Variants in ARPC3 observed in about 807,000 individuals in gnomAD.
ARPC3 encodes actin-related protein 2/3 complex subunit 3.
In ARPC3, 12 loss-of-function variants were observed where a neutral mutation model predicts 27.6. That is an observed-to-expected ratio of 0.43 (90% CI 0.28 to 0.70). The LOEUF (loss-of-function observed/expected upper bound fraction) is 0.70, where lower values mean the gene tolerates loss of function less well. Among genes scored for constraint, ARPC3 ranks in the 30% least tolerant of loss-of-function variants. The probability of loss-of-function intolerance (pLI) is 0.17; values close to 1 mark genes in which losing one functional copy is unlikely to be tolerated. For missense variants in ARPC3, 153 were observed against 207.7 expected (o/e 0.74, Z 1.62); for synonymous variants, 53 against 67.2 (o/e 0.79, Z 1.03).
intron 2 of ARPC3, chr12:110,440,611 A>G (rs892491263): frequency 7.0e-6 from 3 of 431,336 alleles, no homozygotes; most frequent in African/African-American, 6.1e-5. Context: ...CAGTGGCGTG[A>G]TCTTGGCTCA....
chr12:110,443,795 A>G (rs1187954599), intron 2 of ARPC3, among the ~76,000 whole-genome samples: 1 of 152,130 alleles, frequency 6.6e-6, no homozygotes, highest in Non-Finnish European at 1.5e-5. Context: ...GTTTCCAAAA[A>G]CCAGCTAGTT....
At chr12:110,447,803 C>CA (rs780681742) in intron 1 of ARPC3, among the ~76,000 whole-genome samples, 4 of 150,522 alleles carry the variant, frequency 2.7e-5, no homozygotes, top group Admixed American at 6.6e-5. Context: ...CCCCTCCCCC[C>CA]AAAAAAACAA....
chr12:110,436,709 T>TACACACACAC lies in ARPC3; in HGVS notation c.253-27_253-26insGTGTGTGTGT, dbSNP rs777146647. 1.1e-4 allele frequency: 59 copies of TACACACACAC among 546,280 alleles called. No homozygotes were observed. The African/African-American group carries it at 1.4e-3, about 13-fold the overall frequency. The allele number at this position is 546,280 out of a possible 1,614,324, so 33.8% of individuals were successfully genotyped here. On this transcript the variant is annotated intron_variant, in intron 4 of 6. Coordinates refer to ENST00000228825, the MANE Select transcript of ARPC3 (RefSeq NM_001278556.2). ...CTGGAAAAAAAAATATATATATATA[T>TACACACACAC]ATACACACACACACACACACACACA... is the stretch of plus-strand genomic sequence containing the variant.
Position 110,436,568 on chromosome 12 carries a change from T to C in ARPC3, c.368A>G (p.Lys123Arg). 1 of 1,613,974 alleles carries C rather than the reference T, an allele frequency of 6.2e-7. No individual in the cohort carries two copies. The highest frequency in any genetic ancestry group is 8.5e-7 in the Non-Finnish European group (1 of 1,179,972). ...LNAIYAKPANKQEDEVMRAYL... is the reference protein window; with the variant it reads ...LNAIYAKPANRQEDEVMRAYL... The stretch of plus-strand genomic sequence containing the variant: ...AGACCTGTTCTTACCATCTTCCTGT[T>C]TGTTTGCAGGTTTGGCATAAATTGC... The change falls in exon 5 of 7, where the codon AAA becomes AGA. Residue 123 changes from lysine to arginine, a missense_variant. Coordinates refer to ENST00000228825, the MANE Select transcript of ARPC3 (RefSeq NM_001278556.2).
chr12:110,438,909 C>T (rs975772319), intron 3 of ARPC3, among the ~76,000 whole-genome samples: 2 of 151,544 alleles, frequency 1.3e-5, no homozygotes, highest in East Asian at 2.0e-4. Flanking sequence ...TCCCAAATTA[C>T]GGGCAGAGGC....
intron 4 of ARPC3, 112 bp from the exon 5 acceptor site, chr12:110,436,795 G>C: frequency 1.1e-6 from 1 of 928,200 alleles, no homozygotes; most frequent in Non-Finnish European, 1.6e-6. Flanking sequence ...TTGGACCCCA[G>C]GTTAAGAACC....
rs768969588 is a variant in ARPC3 at position 110,445,496 on chromosome 12, A to T, written c.62T>A (p.Leu21Gln). ...PDTKLIGNMA[L>Q]LPIRSQFKGP... ...TTTGAATTGACTTCTGATAGGCAACAGTGCCATGTTTCCGATGAGTTTGGT... is the reference window on the plus strand; with the variant it reads ...TTTGAATTGACTTCTGATAGGCAACTGTGCCATGTTTCCGATGAGTTTGGT... The change falls in exon 2 of 7, where the codon CTG (leucine) becomes CAG (glutamine). Residue 21 changes from leucine to glutamine, a missense_variant. Transcript: ENST00000228825. The T allele has an allele frequency of 1.9e-5, 31 of 1,613,864 alleles. 1 individual carries two copies. In the South Asian group the frequency reaches 3.4e-4, roughly 18 times the overall value.
In ARPC3 at chr12:110,450,314, C is replaced by T. The variant is rs2062495477; in HGVS notation, c.-54G>A. The T allele has an allele frequency of 2.5e-6, 4 of 1,613,004 alleles. No homozygotes were observed. The Admixed American group carries it at 6.7e-5, about 27-fold the overall frequency. ...GGAGCAGGATCCAGGTACAGCGGAG[C>T]GCTTCCGGTCTGGCAGCCTGGGCGA... On this transcript the variant is annotated 5_prime_UTR_variant, in exon 1 of 7. Transcript: ENST00000228825.
chr12:110,436,270 C>T, intron 5 of ARPC3, 66 bp from the exon 6 acceptor site: 1 of 1,303,270 alleles, frequency 7.7e-7, no homozygotes, highest in Admixed American at 1.7e-5. Flanking sequence ...GGTTGCAGCT[C>T]TGGATGCTCA....
At chr12:110,437,182 A>G (rs1267828435) in intron 3 of ARPC3, 30 bp from the exon 4 acceptor site, 1 of 1,412,122 alleles carries the variant, frequency 7.1e-7, no homozygotes, top group Non-Finnish European at 1.0e-6. Context: ...ACTTAAAAAC[A>G]GTTATCAAAA....
chr12:110,435,391 G>A (rs1032464243), intron 6 of ARPC3, among the ~76,000 whole-genome samples, 174 bp from the exon 7 acceptor site: 1 of 150,726 alleles, frequency 6.6e-6, no homozygotes, highest in Non-Finnish European at 1.5e-5. Context: ...GTGCAGTGGT[G>A]TGATCTTGGC....
chr12:110,436,711 T>TACACACACACACAC lies in ARPC3; in HGVS notation c.253-42_253-29dup, dbSNP rs375877607. ...GGAAAAAAAAATATATATATATATA[T>TACACACACACACAC]ACACACACACACACACACACACACA... On this transcript the variant is annotated intron_variant, in intron 4 of 6. Coordinates refer to ENST00000228825, the MANE Select transcript of ARPC3 (RefSeq NM_001278556.2). The TACACACACACACAC allele has an allele frequency of 1.5e-4, 58 of 382,252 alleles. 1 individual carries two copies. The highest frequency in any genetic ancestry group is 1.4e-3 in the African/African-American group (51 of 36,510). The allele number at this position is 382,252 out of a possible 1,614,324, so 23.7% of individuals were successfully genotyped here.
intron 2 of ARPC3, among the ~76,000 whole-genome samples, chr12:110,443,356 G>T (rs1447126784): frequency 2.6e-5 from 4 of 152,090 alleles, no homozygotes; most frequent in Admixed American, 6.6e-5. Context: ...CTGACCTCGT[G>T]ATCCACCCGT....
chr12:110,442,915 G>A (rs2062446282), intron 2 of ARPC3: 1 of 152,030 alleles, frequency 6.6e-6, no homozygotes, highest in African/African-American at 2.4e-5. Flanking sequence ...AAATCCCAGG[G>A]TCTTGATATC....
intron 5 of ARPC3, 162 bp downstream of exon 5, chr12:110,436,395 T>C: frequency 7.6e-7 from 1 of 1,315,586 alleles, no homozygotes; most frequent in Non-Finnish European, 1.1e-6. Flanking sequence ...GTCATCCTTG[T>C]TGCCAAGAAT....
At chr12:110,441,225 C>T (rs543809852) in intron 2 of ARPC3, among the ~76,000 whole-genome samples, 4 of 151,750 alleles carry the variant, frequency 2.6e-5, no homozygotes, top group South Asian at 2.1e-4. Context: ...CTCTGCCTCC[C>T]GGGTTCAAGC....
intron 1 of ARPC3, among the ~76,000 whole-genome samples, chr12:110,449,898 G>A (rs932252945): frequency 4.6e-5 from 7 of 152,032 alleles, no homozygotes; most frequent in African/African-American, 1.7e-4. Context: ...ACAGAAAAAG[G>A]AGAAGCTAGA....
chr12:110,450,138 T>G, intron 1 of ARPC3, 117 bp downstream of exon 1: 1 of 1,455,492 alleles, frequency 6.9e-7, no homozygotes, highest in Non-Finnish European at 9.5e-7. Flanking sequence ...CCTCCCTCCT[T>G]CTCGGGCCCC....
chr12:110,445,417 G>A (rs751921534), intron 2 of ARPC3, 35 bp downstream of exon 2: 44 of 1,479,752 alleles, frequency 3.0e-5, no homozygotes, highest in East Asian at 1.8e-4. Flanking sequence ...TAGGCATTTC[G>A]TACCAAAATT....
Sources: gnomAD v4.1 joint callset for allele counts (sites outside exome capture counted in the v4.1 genomes callset) on GRCh38, gnomAD v4.1.1 for gene constraint, MANE v1.5 for transcripts, NCBI Gene and HGNC (gene_info 2026-07-23, HGNC 2026-07-21) for gene names.